SCRN1: variants seen among roughly 807,000 people sequenced by gnomAD.
SCRN1 encodes secernin-1.
SCRN1 carries 19 observed loss-of-function variants against 43.3 expected under a neutral mutation model. The ratio of observed to expected loss-of-function variants is 0.44; its 90% CI spans 0.31 to 0.64. The LOEUF is 0.64. Ranked by LOEUF, SCRN1 falls within the 30% of genes least tolerant of loss-of-function variation. SCRN1 has a pLI of 0.09. For missense variants in SCRN1, 447 were observed against 524.1 expected (o/e 0.85, Z 1.44); for synonymous variants, 183 against 188.9 (o/e 0.97, Z 0.26).
At position 29,962,271 on chromosome 7, in the gene SCRN1, A is replaced by G. The variant is rs991659342; in HGVS notation, c.159+6638T>C. On this transcript the variant is annotated intron_variant, in intron 2 of 7. Coordinates refer to ENST00000242059, the MANE Select transcript of SCRN1 (RefSeq NM_014766.5). ...ATAATTATTAGATAATTGTTTATATATAATTAAATTATTATATAATAAATT... is the reference window on the plus strand; with the variant it reads ...ATAATTATTAGATAATTGTTTATATGTAATTAAATTATTATATAATAAATT... Among the ~76,000 whole-genome samples the G allele has an allele frequency of 2.0e-5, 3 of 147,814 alleles. No homozygotes were observed. In the Admixed American group the frequency reaches 2.0e-4, roughly 10 times the overall value.
chr7:29,972,272 A>G (rs1173510839), intron 1 of SCRN1, among the ~76,000 whole-genome samples: 1 of 152,212 alleles, frequency 6.6e-6, no homozygotes, highest in African/African-American at 2.4e-5. Context: ...AGTATCTCAT[A>G]TGCTCCCTCT....
At chr7:29,970,253 C>A (rs1788627366) in intron 1 of SCRN1, among the ~76,000 whole-genome samples, 1 of 152,174 alleles carries the variant, frequency 6.6e-6, no homozygotes, top group Non-Finnish European at 1.5e-5. Flanking sequence ...CCAGCCCCAT[C>A]TTCTACCACT....
intron 1 of SCRN1, among the ~76,000 whole-genome samples, chr7:29,980,998 G>C (rs936037222): frequency 3.3e-5 from 5 of 151,946 alleles, no homozygotes; most frequent in Non-Finnish European, 5.9e-5. Flanking sequence ...ATGGGGATAG[G>C]GAGATAGAAA....
chr7:29,943,401 G>A (rs936955564), intron 4 of SCRN1, among the ~76,000 whole-genome samples: 13 of 152,132 alleles, frequency 8.5e-5, no homozygotes, highest in African/African-American at 2.2e-4. Context: ...GATGCTGCAC[G>A]GGCCACAGAG....
intron 1 of SCRN1, among the ~76,000 whole-genome samples, chr7:29,986,717 A>ATTTTT (rs553845779): frequency 6.1e-4 from 61 of 99,776 alleles, no homozygotes; most frequent in Non-Finnish European, 7.2e-4. Context: ...AATTTTTTTA[A>ATTTTT]TTTTTTTTTT....
chr7:29,938,555 C>A (rs1368002177), intron 5 of SCRN1, among the ~76,000 whole-genome samples: 2 of 152,218 alleles, frequency 1.3e-5, no homozygotes, highest in South Asian at 2.1e-4. Context: ...GGAATCAGGG[C>A]AAGGAACACC....
intron 2 of SCRN1, among the ~76,000 whole-genome samples, chr7:29,963,264 C>T (rs933258277): frequency 2.6e-5 from 4 of 152,108 alleles, no homozygotes; most frequent in African/African-American, 9.7e-5. Flanking sequence ...CCCCTCTCTC[C>T]TGGGCCAGAA....
At chr7:29,990,148 A>G, upstream of SCRN1, 3 of 1,551,558 alleles carry the variant, frequency 1.9e-6, no homozygotes, top group East Asian at 2.4e-5. Context: ...CGGCGCCCAC[A>G]CAAGATTTCC....
rs1250517203 is a variant in SCRN1 at position 29,950,186 on chromosome 7, T to C, written c.341+4993A>G. Among the ~76,000 whole-genome samples the C allele has an allele frequency of 1.3e-5, 2 of 152,206 alleles. No homozygotes were observed. Among genetic ancestry groups the C allele is most frequent in the African/African-American group, 4.8e-5 (2 of 41,458 alleles). On this transcript the variant is annotated intron_variant, in intron 3 of 7. Transcript: ENST00000242059. This position sits in a 1 kb window ranked among gnomAD's most constrained non-coding sequence, Gnocchi z 4.5. ...TTGGAAGTGCCTGCTTCCTGCTCCC[T>C]GACCTCTTCCCGCTTCCCAGCACCT...
intron 2 of SCRN1, among the ~76,000 whole-genome samples, chr7:29,963,906 T>C (rs1788407850): frequency 6.6e-6 from 1 of 152,250 alleles, no homozygotes; most frequent in Non-Finnish European, 1.5e-5. Flanking sequence ...TTCAAAGTTA[T>C]ATATTAAAAA....
chr7:29,935,588 C>T (rs1230285390), intron 6 of SCRN1, among the ~76,000 whole-genome samples: 1 of 152,212 alleles, frequency 6.6e-6, no homozygotes, highest in Non-Finnish European at 1.5e-5. Flanking sequence ...AGGTCCACCT[C>T]AAAGATTCTG....
intron 1 of SCRN1, among the ~76,000 whole-genome samples, chr7:29,982,353 T>C (rs1194451705): frequency 6.6e-6 from 1 of 152,170 alleles, no homozygotes; most frequent in Admixed American, 6.5e-5. Context: ...ACACGTATTA[T>C]GTCCATTTTA....
chr7:29,924,939 T>A (rs766231688), intron 7 of SCRN1, among the ~76,000 whole-genome samples: 2 of 152,074 alleles, frequency 1.3e-5, no homozygotes, highest in African/African-American at 2.4e-5. Flanking sequence ...TGAGAGTCAT[T>A]TGTAAATTTC....
Position 29,952,159 on chromosome 7 carries a change from C to G in SCRN1, c.341+3020G>C, listed in dbSNP as rs556841160. The stretch of plus-strand genomic sequence containing the variant: ...TTTCCTGTGGAGCAGCGGTTCTCAC[C>G]GTAACCGTGCATCAGCACCAGCTGG... On this transcript the variant is annotated intron_variant, in intron 3 of 7. Coordinates refer to ENST00000242059, the MANE Select transcript of SCRN1 (RefSeq NM_014766.5). 5.9e-5 allele frequency among the ~76,000 whole-genome samples: 9 copies of G among 152,340 alleles called. No individual in the cohort carries two copies. The South Asian group carries it at 8.3e-4, about 14-fold the overall frequency.
At chr7:29,969,321 C>A in intron 1 of SCRN1, 1 of 489,008 alleles carries the variant, frequency 2.0e-6, no homozygotes, top group Non-Finnish European at 3.7e-6. Context: ...ACAGCGGCAG[C>A]CAAAAGTGCA....
intron 6 of SCRN1, among the ~76,000 whole-genome samples, chr7:29,930,021 C>T (rs985723210): frequency 1.3e-5 from 2 of 152,124 alleles, no homozygotes; most frequent in African/African-American, 4.8e-5. Flanking sequence ...AAAAAGAATA[C>T]ATAATAAATA....
intron 3 of SCRN1, among the ~76,000 whole-genome samples, chr7:29,944,669 A>G (rs1787672812): frequency 1.3e-5 from 2 of 151,326 alleles, no homozygotes; most frequent in Admixed American, 1.3e-4. Context: ...TCTCAAAAAA[A>G]AAAAAAAAAA....
chr7:29,944,973 A>G (rs1317448735), intron 3 of SCRN1, among the ~76,000 whole-genome samples: 5 of 152,136 alleles, frequency 3.3e-5, no homozygotes, highest in Non-Finnish European at 7.4e-5. Context: ...TTACTTATTA[A>G]AAGTGTTCAA....
At chr7:29,955,792 C>G (rs185538830) in intron 2 of SCRN1, among the ~76,000 whole-genome samples, 37 of 152,294 alleles carry the variant, frequency 2.4e-4, no homozygotes, top group African/African-American at 3.6e-4. Context: ...AAAGCAGAAC[C>G]CTGAGTCCCC....
Sources: gnomAD v4.1 joint callset for allele counts (sites outside exome capture counted in the v4.1 genomes callset) on GRCh38, gnomAD v4.1.1 for gene constraint, Gnocchi (gnomAD v3.1) non-coding constraint, MANE v1.5 for transcripts, NCBI Gene and HGNC (gene_info 2026-07-23, HGNC 2026-07-21) for gene names.